Variants in BRMS1L observed in about 807,000 individuals in gnomAD.
BRMS1L encodes the protein BRMS1 like transcriptional repressor.
Under a neutral mutation model 50.3 loss-of-function variants are expected in BRMS1L, and 23 were observed. The ratio of observed to expected loss-of-function variants is 0.46; its 90% confidence interval spans 0.33 to 0.65. The LOEUF (loss-of-function observed/expected upper bound fraction) is 0.65. BRMS1L is among the 30% of genes least tolerant of loss of function. The probability of loss-of-function intolerance (pLI) is 0.02; values close to 1 mark genes in which losing one functional copy is unlikely to be tolerated. For synonymous variants in BRMS1L, 114 were observed against 126.9 expected (o/e 0.90, Z 0.69); for missense variants, 286 against 386.1 (o/e 0.74, Z 2.17).
At chr14:35,832,335 TCTA>T (rs2077931371) in intron 2 of BRMS1L, among the ~76,000 whole-genome samples, 1 of 142,086 alleles carries the variant, frequency 7.0e-6, no homozygotes, top group South Asian at 2.2e-4. Context: ...AAACCCCGTC[TCTA>T]CTAAAAAATA....
chr14:35,855,525 T>C (rs765547081), intron 4 of BRMS1L, among the ~76,000 whole-genome samples: 14 of 152,218 alleles, frequency 9.2e-5, no homozygotes, highest in Non-Finnish European at 1.8e-4. Context: ...AGTAGTATTT[T>C]TATTTAAACA....
chr14:35,830,786 TTGG>T (rs1567298625), intron 1 of BRMS1L, among the ~76,000 whole-genome samples: 1 of 152,078 alleles, frequency 6.6e-6, no homozygotes, highest in Non-Finnish European at 1.5e-5. Context: ...TTCTGGTGAG[TTGG>T]TGGAAAACAA....
rs1382182282 is a variant in BRMS1L, at chr14:35,857,178, T to G, written c.442-5412T>G. Reference sequence around the variant, plus strand: ...ATTGCTTGAACCTGGGAGACGGAGGTTGCAGTGAGATGAGATCATGCCACT... The same window carrying G: ...ATTGCTTGAACCTGGGAGACGGAGGGTGCAGTGAGATGAGATCATGCCACT... On this transcript the variant is annotated intron_variant, in intron 4 of 9. Coordinates refer to ENST00000216807, the MANE Select transcript of BRMS1L (RefSeq NM_032352.4). Among the ~76,000 whole-genome samples, 7 of 151,042 alleles carry G rather than the reference T, an allele frequency of 4.6e-5. No homozygotes were observed. The East Asian group carries it at 1.4e-3, about 29-fold the overall frequency.
At chr14:35,853,400 AATGATG>A (rs200810819) in intron 4 of BRMS1L, among the ~76,000 whole-genome samples, 1 of 151,140 alleles carries the variant, frequency 6.6e-6, no homozygotes, top group African/African-American at 2.4e-5. Flanking sequence ...TGATGATGTT[AATGATG>A]ATGATGATGA....
At chr14:35,838,864 CTTTAGT>C (rs2078026578) in intron 4 of BRMS1L, among the ~76,000 whole-genome samples, 2 of 151,956 alleles carry the variant, frequency 1.3e-5, no homozygotes, top group African/African-American at 4.8e-5. Context: ...TGCAGAAGCT[CTTTAGT>C]TTAATTAGAT....
intron 4 of BRMS1L, among the ~76,000 whole-genome samples, chr14:35,839,589 C>A (rs898075389): frequency 6.6e-6 from 1 of 152,162 alleles, no homozygotes; most frequent in African/African-American, 2.4e-5. Flanking sequence ...TCCTTCACAT[C>A]CCTTACAAGT....
intron 1 of BRMS1L, among the ~76,000 whole-genome samples, chr14:35,829,072 G>A (rs2077885055): frequency 6.6e-6 from 1 of 151,912 alleles, no homozygotes; most frequent in Admixed American, 6.6e-5. Flanking sequence ...CTCCTGAGTA[G>A]CTGGGATTAC....
intron 4 of BRMS1L, among the ~76,000 whole-genome samples, chr14:35,847,728 C>T (rs1387254979): frequency 6.6e-6 from 1 of 152,146 alleles, no homozygotes; most frequent in Non-Finnish European, 1.5e-5. Flanking sequence ...CCATTTCCCC[C>T]TCCGCCACAC....
At chr14:35,851,678 T>A (rs1389616957) in intron 4 of BRMS1L, among the ~76,000 whole-genome samples, 3 of 152,210 alleles carry the variant, frequency 2.0e-5, no homozygotes, top group African/African-American at 7.2e-5. Context: ...TGTGGAGGAA[T>A]GGAAACCCCT....
At chr14:35,860,911 A>G (rs1457889482) in intron 4 of BRMS1L, among the ~76,000 whole-genome samples, 1 of 152,226 alleles carries the variant, frequency 6.6e-6, no homozygotes, top group African/African-American at 2.4e-5. Flanking sequence ...GACCAAACCT[A>G]TACTTATGAG....
chr14:35,836,249 C>T (rs1347599878), intron 4 of BRMS1L, among the ~76,000 whole-genome samples: 3 of 152,042 alleles, frequency 2.0e-5, no homozygotes, highest in Non-Finnish European at 2.9e-5. Flanking sequence ...CCAGGTGGTA[C>T]GATGTTTTCA....
chr14:35,842,606 A>C (rs1248956540), intron 4 of BRMS1L, among the ~76,000 whole-genome samples: 1 of 152,162 alleles, frequency 6.6e-6, no homozygotes, highest in Non-Finnish European at 1.5e-5. Flanking sequence ...GGCTGCCCTT[A>C]ACATTTTTTC....
chr14:35,865,603 T>G, intron 7 of BRMS1L, 119 bp from the exon 8 acceptor site: 1 of 774,538 alleles, frequency 1.3e-6, no homozygotes, highest in Non-Finnish European at 2.0e-6. Context: ...ATGGTTATAC[T>G]TTACTGTCTT....
intron 4 of BRMS1L, among the ~76,000 whole-genome samples, chr14:35,858,936 C>T (rs979843723): frequency 2.6e-5 from 4 of 150,988 alleles, no homozygotes; most frequent in African/African-American, 9.7e-5. Context: ...GTTGCTATAT[C>T]TTACCCATTT....
chr14:35,859,654 A>C (rs539474184), intron 4 of BRMS1L, among the ~76,000 whole-genome samples: 1 of 152,020 alleles, frequency 6.6e-6, no homozygotes, highest in Admixed American at 6.5e-5. Flanking sequence ...TATTTATTTG[A>C]ATTTTTTTTT....
At position 35,826,507 on chromosome 14, in the gene BRMS1L, C is replaced by T; in HGVS notation, c.-10C>T. ...GCGCCGGTAGTGGAAAGCGACGGCGCGGCTGGAAAATGCCAGTCCATTCCC... is the reference window on the plus strand; with the variant it reads ...GCGCCGGTAGTGGAAAGCGACGGCGTGGCTGGAAAATGCCAGTCCATTCCC... On this transcript the variant is annotated 5_prime_UTR_variant, in exon 1 of 10. Coordinates refer to ENST00000216807, the MANE Select transcript of BRMS1L (RefSeq NM_032352.4). 1 of 1,575,090 alleles carries T rather than the reference C, an allele frequency of 6.3e-7. No homozygotes were observed. Among genetic ancestry groups the T allele is most frequent in the Non-Finnish European group, 8.6e-7 (1 of 1,160,664 alleles).
intron 1 of BRMS1L, among the ~76,000 whole-genome samples, chr14:35,828,312 A>C (rs1341380811): frequency 6.6e-6 from 1 of 150,804 alleles, no homozygotes. Flanking sequence ...AGCTGTGATT[A>C]TAGGCGGGTG....
chr14:35,833,916 A>T (rs2077959166), intron 3 of BRMS1L, among the ~76,000 whole-genome samples: 1 of 152,176 alleles, frequency 6.6e-6, no homozygotes, highest in Non-Finnish European at 1.5e-5. Context: ...AGATGATATG[A>T]TACTCTTCAC....
chr14:35,832,755 T>C (rs7142506), intron 2 of BRMS1L, among the ~76,000 whole-genome samples: 3,338 of 152,304 alleles, frequency 0.022, 120 homozygotes, highest in African/African-American at 0.076. Context: ...TTTTTTTGTA[T>C]TGGGAATTGA....
Sources: allele counts gnomAD v4.1 joint callset (sites outside exome capture counted in the v4.1 genomes callset), GRCh38; gene constraint gnomAD v4.1.1; transcripts MANE v1.5; gene names NCBI Gene and HGNC (gene_info 2026-07-23, HGNC 2026-07-21).